The following KCNMA1 variants were observed in gnomAD, a reference collection of about 807,000 sequenced individuals.
KCNMA1 encodes the protein potassium calcium-activated channel subfamily M alpha 1.
KCNMA1 carries 29 observed loss-of-function variants against 140.0 expected under a neutral mutation model. The ratio of observed to expected loss-of-function variants is 0.21; its 90% confidence interval spans 0.15 to 0.28. The LOEUF is 0.28. Ranked by LOEUF, KCNMA1 falls within the 10% of genes least tolerant of loss-of-function variation. The probability of loss-of-function intolerance (pLI) is 1.00; values close to 1 mark genes in which losing one functional copy is unlikely to be tolerated. For missense variants in KCNMA1, 880 were observed against 1,602.2 expected (o/e 0.55, Z 7.70); for synonymous variants, 612 against 611.9 (o/e 1.00, Z 0.00).
intron 23 of KCNMA1, among the ~76,000 whole-genome samples, chr10:76,928,628 C>A (rs59629576): frequency 0.023 from 3,469 of 152,204 alleles, 131 homozygotes; most frequent in African/African-American, 0.078. Flanking sequence ...CTTTAGGCAA[C>A]TATAAGGACT....
intron 1 of KCNMA1, among the ~76,000 whole-genome samples, chr10:77,473,173 T>C (rs1192997222): frequency 6.6e-6 from 1 of 152,200 alleles, no homozygotes; most frequent in Non-Finnish European, 1.5e-5. Context: ...TCTTTTTAGA[T>C]GAAGTCTGTT....
chr10:77,546,849 C>T (rs1381569016), intron 1 of KCNMA1, among the ~76,000 whole-genome samples: 1 of 152,210 alleles, frequency 6.6e-6, no homozygotes, highest in Non-Finnish European at 1.5e-5. Context: ...TTCTAGGCTA[C>T]CTACTATGTG....
chr10:77,589,137 C>A (rs1414513761), intron 1 of KCNMA1, among the ~76,000 whole-genome samples: 1 of 152,192 alleles, frequency 6.6e-6, no homozygotes, highest in Non-Finnish European at 1.5e-5. Context: ...ATGTACCAAT[C>A]CCTAATCTAG....
chr10:77,314,954 A>G (rs2080412914), intron 2 of KCNMA1, among the ~76,000 whole-genome samples: 1 of 150,532 alleles, frequency 6.6e-6, no homozygotes. Flanking sequence ...ACACACACAC[A>G]CACACACACA....
intron 1 of KCNMA1, among the ~76,000 whole-genome samples, chr10:77,405,456 G>A (rs655797): frequency 0.7 from 106,563 of 152,082 alleles, 37,338 homozygotes; most frequent in East Asian, 0.83. Flanking sequence ...TCAGCCCCTC[G>A]TTAGCTACAA....
intron 2 of KCNMA1, among the ~76,000 whole-genome samples, chr10:77,379,451 C>T (rs1028555077): frequency 6.6e-6 from 1 of 151,004 alleles, no homozygotes. Flanking sequence ...GGGAAAAGTA[C>T]AGAAAGGAAA....
chr10:77,331,971 A>C (rs1213313735), intron 2 of KCNMA1, among the ~76,000 whole-genome samples: 2 of 152,156 alleles, frequency 1.3e-5, no homozygotes, highest in Non-Finnish European at 2.9e-5. Context: ...ATGAAATTAG[A>C]CCATGCACAT....
intron 2 of KCNMA1, among the ~76,000 whole-genome samples, chr10:77,401,826 T>C (rs1846873436): frequency 6.6e-6 from 1 of 152,190 alleles, no homozygotes; most frequent in South Asian, 2.1e-4. Flanking sequence ...TGATCAGCCC[T>C]ACTTTCCCCT....
chr10:77,413,719 T>C (rs1353355637), intron 1 of KCNMA1, among the ~76,000 whole-genome samples: 1 of 152,162 alleles, frequency 6.6e-6, no homozygotes, highest in Non-Finnish European at 1.5e-5. Flanking sequence ...CTGCCATCAC[T>C]TCTCCTGCTC....
chr10:77,307,397 C>T (rs7920959), intron 2 of KCNMA1, among the ~76,000 whole-genome samples: 1,788 of 152,280 alleles, frequency 0.012, 32 homozygotes, highest in African/African-American at 0.041. Flanking sequence ...AGTACCCATA[C>T]GACCATTTTG....
intron 25 of KCNMA1, among the ~76,000 whole-genome samples, chr10:76,899,086 T>G: frequency 6.6e-6 from 1 of 152,034 alleles, no homozygotes; most frequent in Admixed American, 6.6e-5. Flanking sequence ...TGAATAAGAA[T>G]CGCTACTGTT....
chr10:77,164,908 C>T (rs2098619859), intron 5 of KCNMA1, among the ~76,000 whole-genome samples: 1 of 152,124 alleles, frequency 6.6e-6, no homozygotes, highest in South Asian at 2.1e-4. Context: ...TTCCCTCTTT[C>T]AGTTTCTTCC....
At chr10:77,574,729 G>A (rs917390782) in intron 1 of KCNMA1, among the ~76,000 whole-genome samples, 1 of 152,150 alleles carries the variant, frequency 6.6e-6, no homozygotes, top group Admixed American at 6.5e-5. Flanking sequence ...GAGAAATGAC[G>A]ACTCCTAGCT....
intron 2 of KCNMA1, 74 bp downstream of exon 2, chr10:77,403,788 T>C (rs1358958215): frequency 6.9e-7 from 1 of 1,453,006 alleles, no homozygotes; most frequent in African/African-American, 1.4e-5. Context: ...CTGGGGAATA[T>C]CACGTCTCAT....
chr10:76,941,031 A>AAG lies in KCNMA1; in HGVS notation c.2902+3740_2902+3741dup, dbSNP rs1481122211. Among the ~76,000 whole-genome samples, 15 of 67,894 alleles carry AAG rather than the reference A, an allele frequency of 2.2e-4. 1 individual carries two copies. Among genetic ancestry groups the AAG allele is most frequent in the Non-Finnish European group, 4.5e-4 (15 of 33,092 alleles). 44.5% of individuals were successfully genotyped at this position (67,894 alleles called of 152,430 possible). On this transcript the variant is annotated intron_variant, in intron 23 of 27. Coordinates refer to ENST00000286628, the MANE Select transcript of KCNMA1 (RefSeq NM_001161352.2). ...GAAGGAAGGAAGGAAGAAAGAAAGA[A>AAG]AGAAAGAAAGAAAGAAAGAAAGAGA...
intron 1 of KCNMA1, among the ~76,000 whole-genome samples, chr10:77,480,988 C>T (rs1389959866): frequency 5.3e-5 from 8 of 150,680 alleles, no homozygotes; most frequent in Non-Finnish European, 1.0e-4. Flanking sequence ...GAGGTAGTGG[C>T]GGGCGCCTGT....
intron 3 of KCNMA1, among the ~76,000 whole-genome samples, chr10:77,200,935 A>G (rs768405632): frequency 8.5e-5 from 13 of 152,204 alleles, no homozygotes; most frequent in Non-Finnish European, 1.0e-4. Flanking sequence ...CAAGCCATCA[A>G]CTTAACTGCC....
chr10:77,442,379 G>A (rs934408204), intron 1 of KCNMA1, among the ~76,000 whole-genome samples: 12 of 152,060 alleles, frequency 7.9e-5, no homozygotes, highest in Middle Eastern at 3.4e-3. Context: ...TCTAGGATGG[G>A]CTTTCTCTAC....
intron 2 of KCNMA1, among the ~76,000 whole-genome samples, chr10:77,309,020 T>G (rs2078569742): frequency 6.6e-6 from 1 of 152,344 alleles, no homozygotes; most frequent in Non-Finnish European, 1.5e-5. Context: ...CTTAAAGCCC[T>G]GTATTTCCCT....
Sources: gnomAD v4.1 joint callset for allele counts (sites outside exome capture counted in the v4.1 genomes callset) on GRCh38, gnomAD v4.1.1 for gene constraint, MANE v1.5 for transcripts, NCBI Gene and HGNC (gene_info 2026-07-23, HGNC 2026-07-21) for gene names.